VPS13B: variants seen among roughly 807,000 people sequenced by gnomAD.
The protein encoded by VPS13B is vacuolar protein sorting 13 homolog B.
In VPS13B, 285 loss-of-function variants were observed where a neutral mutation model predicts 426.4. That is an observed-to-expected ratio of 0.67 (90% CI 0.61 to 0.74). The LOEUF is 0.74. Among genes scored for constraint, VPS13B ranks in the 30% least tolerant of loss-of-function variants. The pLI, the probability that VPS13B is intolerant of heterozygous loss-of-function variation, is 0.00. For synonymous variants in VPS13B, 1,676 were observed against 1,676.4 expected (o/e 1.00, Z 0.01); for missense variants, 4,537 against 4,782.6 (o/e 0.95, Z 1.51).
At chr8:99,081,601 AC>A (rs980373770) in intron 3 of VPS13B, among the ~76,000 whole-genome samples, 2 of 50,782 alleles carry the variant, frequency 3.9e-5, no homozygotes, top group African/African-American at 1.6e-4. Flanking sequence ...ACAGGCCCCC[AC>A]CCCACAACAG....
In VPS13B at chr8:99,312,927, A is replaced by T. The variant is rs147586309; in HGVS notation, c.2824+37673A>T. Among the ~76,000 whole-genome samples the T allele has an allele frequency of 2.0e-3, 298 of 152,204 alleles. 2 individuals are homozygous for T. Among genetic ancestry groups the T allele is most frequent in the African/African-American group, 6.5e-3 (268 of 41,516 alleles). On this transcript the variant is annotated intron_variant, in intron 19 of 61. Transcript: ENST00000357162. ...CTTCATTTCATTCATTTGATCTTCAATCCCTGATGCCCTTTCTTCCAGTTG... is the reference window on the plus strand; with the variant it reads ...CTTCATTTCATTCATTTGATCTTCATTCCCTGATGCCCTTTCTTCCAGTTG...
intron 17 of VPS13B, among the ~76,000 whole-genome samples, chr8:99,253,216 C>T (rs888830271): frequency 6.6e-6 from 1 of 152,010 alleles, no homozygotes; most frequent in African/African-American, 2.4e-5. Flanking sequence ...GGTTATATTA[C>T]ATTTTGTTTC....
intron 34 of VPS13B, among the ~76,000 whole-genome samples, chr8:99,652,903 A>C (rs1168929574): frequency 6.6e-6 from 1 of 152,152 alleles, no homozygotes; most frequent in Non-Finnish European, 1.5e-5. Flanking sequence ...GATCTCTTAA[A>C]TGAGAGGCAT....
At chr8:99,589,457 T>A (rs1313141278) in intron 33 of VPS13B, among the ~76,000 whole-genome samples, 2 of 151,626 alleles carry the variant, frequency 1.3e-5, no homozygotes, top group African/African-American at 4.9e-5. Flanking sequence ...CATGCGGTGT[T>A]TGGTTTTTTG....
intron 19 of VPS13B, among the ~76,000 whole-genome samples, chr8:99,291,802 A>G (rs925987902): frequency 6.6e-6 from 1 of 152,118 alleles, no homozygotes; most frequent in African/African-American, 2.4e-5. Context: ...CATTGCAAAT[A>G]TTTTCAATTA....
At chr8:99,125,153 T>G (rs1395763791) in intron 8 of VPS13B, among the ~76,000 whole-genome samples, 1 of 152,072 alleles carries the variant, frequency 6.6e-6, no homozygotes, top group Admixed American at 6.6e-5. Flanking sequence ...CAGTGATGGA[T>G]CAGTCGGAGT....
chr8:99,739,180 C>G (rs766995521), intron 39 of VPS13B, among the ~76,000 whole-genome samples: 3 of 152,214 alleles, frequency 2.0e-5, no homozygotes, highest in African/African-American at 4.8e-5. Flanking sequence ...GATTACATCC[C>G]GTACCTGGCT....
intron 17 of VPS13B, among the ~76,000 whole-genome samples, chr8:99,243,733 A>G (rs1588169014): frequency 6.6e-6 from 1 of 152,236 alleles, no homozygotes; most frequent in Non-Finnish European, 1.5e-5. Context: ...TGCCTTTAGT[A>G]GGATATCACT....
chr8:99,653,279 A>G (rs781453767), intron 34 of VPS13B, among the ~76,000 whole-genome samples: 3 of 152,214 alleles, frequency 2.0e-5, no homozygotes, highest in Non-Finnish European at 4.4e-5. Context: ...GACACGAGGA[A>G]AAGATTAGTG....
At chr8:99,510,612 T>G (rs1821737248) in intron 28 of VPS13B, among the ~76,000 whole-genome samples, 1 of 152,156 alleles carries the variant, frequency 6.6e-6, no homozygotes, top group South Asian at 2.1e-4. Flanking sequence ...AAGCGATTCT[T>G]GTGCCTCAGC....
intron 19 of VPS13B, among the ~76,000 whole-genome samples, chr8:99,372,047 C>G (rs1421955740): frequency 6.6e-6 from 1 of 151,992 alleles, no homozygotes; most frequent in African/African-American, 2.4e-5. Context: ...GTCAGGAGAT[C>G]GAGACCATCC....
At chr8:99,816,123 A>G (rs1814022229) in intron 44 of VPS13B, among the ~76,000 whole-genome samples, 1 of 148,280 alleles carries the variant, frequency 6.7e-6, no homozygotes, top group Non-Finnish European at 1.5e-5. Context: ...TTTTTTTTAG[A>G]CGGAGTTTTA....
At chr8:99,620,524 C>G (rs190057751) in intron 33 of VPS13B, among the ~76,000 whole-genome samples, 44 of 152,028 alleles carry the variant, frequency 2.9e-4, no homozygotes, top group Middle Eastern at 3.4e-3. Context: ...AGAAGGAGAA[C>G]CAGGAAAATG....
rs557955393 is a variant in VPS13B, at chr8:99,205,924, A to G, written c.2515+12867A>G. 5.3e-5 allele frequency among the ~76,000 whole-genome samples: 8 copies of G among 152,360 alleles called. No individual in the cohort carries two copies. In the East Asian group the frequency reaches 1.5e-3, roughly 29 times the overall value. On this transcript the variant is annotated intron_variant, in intron 17 of 61. Transcript: ENST00000357162. ...AAAGTGTGTTACTTCATTAGAAAAT[A>G]TTAATGAAATTATAGCAAATATTGG...
At chr8:99,696,617 G>T in intron 35 of VPS13B, 1 of 658,788 alleles carries the variant, frequency 1.5e-6, no homozygotes. Context: ...GCCTGAAGGA[G>T]CTTCGGGTCA....
intron 13 of VPS13B, among the ~76,000 whole-genome samples, chr8:99,147,001 C>T (rs1053344326): frequency 6.6e-6 from 1 of 152,082 alleles, no homozygotes; most frequent in African/African-American, 2.4e-5. Context: ...TATTGTTCTG[C>T]CAACCCCAGA....
rs553039073 is a variant in VPS13B, at chr8:99,635,865, T to A, written c.5221-5946T>A. Among the ~76,000 whole-genome samples, 9 of 152,120 alleles carry A rather than the reference T, an allele frequency of 5.9e-5. No individual in the cohort carries two copies. In the South Asian group the frequency reaches 1.9e-3, roughly 32 times the overall value. ...TTGTTGCATTATTCAAATGTGGTTTTATTTACTACTCCTGAGACACTATGC... is the reference window on the plus strand; with the variant it reads ...TTGTTGCATTATTCAAATGTGGTTTAATTTACTACTCCTGAGACACTATGC... On this transcript the variant is annotated intron_variant, in intron 33 of 61. Coordinates refer to ENST00000357162, the MANE Select transcript of VPS13B (RefSeq NM_152564.5).
At chr8:99,451,473 T>A (rs1005604030) in intron 23 of VPS13B, among the ~76,000 whole-genome samples, 4 of 152,212 alleles carry the variant, frequency 2.6e-5, no homozygotes, top group African/African-American at 7.2e-5. Context: ...TAAATAGTCC[T>A]TGGTTGAATC....
intron 33 of VPS13B, among the ~76,000 whole-genome samples, chr8:99,636,541 T>A (rs1161266477): frequency 2.6e-5 from 4 of 152,024 alleles, no homozygotes; most frequent in Non-Finnish European, 5.9e-5. Flanking sequence ...AAGTGAATGC[T>A]TGGAAAATCT....
Sources: gnomAD v4.1 joint callset for allele counts (sites outside exome capture counted in the v4.1 genomes callset) on GRCh38, gnomAD v4.1.1 for gene constraint, MANE v1.5 for transcripts, NCBI Gene and HGNC (gene_info 2026-07-23, HGNC 2026-07-21) for gene names.